Variants in TNR observed in about 807,000 individuals in gnomAD.
The protein encoded by TNR is tenascin-R.
In TNR, 45 loss-of-function variants were observed where a neutral mutation model predicts 150.4. The ratio of observed to expected loss-of-function variants is 0.30; its 90% CI spans 0.24 to 0.38. The LOEUF is 0.38. TNR is among the 10% of genes least tolerant of loss of function. The probability of loss-of-function intolerance (pLI) is 1.00; values close to 1 mark genes in which losing one functional copy is unlikely to be tolerated. For synonymous variants in TNR, 687 were observed against 678.4 expected (o/e 1.01, Z -0.20); for missense variants, 1,544 against 1,759.1 (o/e 0.88, Z 2.19).
At chr1:175,664,916 T>C (rs1424817791) in intron 1 of TNR, among the ~76,000 whole-genome samples, 2 of 152,220 alleles carry the variant, frequency 1.3e-5, no homozygotes, top group African/African-American at 2.4e-5. Context: ...AAAGACAGCA[T>C]ACCTGAGTGA....
At chr1:175,372,551 A>G (rs949559739) in intron 9 of TNR, among the ~76,000 whole-genome samples, 1 of 152,246 alleles carries the variant, frequency 6.6e-6, no homozygotes, top group Non-Finnish European at 1.5e-5. Flanking sequence ...CTAGAAAGGA[A>G]CAGGAGTTAG....
chr1:175,500,405 G>A (rs1479757998), intron 2 of TNR, among the ~76,000 whole-genome samples: 1 of 152,216 alleles, frequency 6.6e-6, no homozygotes, highest in Non-Finnish European at 1.5e-5. Context: ...AAAGCCCAGT[G>A]TCTCTGACCT....
intron 1 of TNR, among the ~76,000 whole-genome samples, chr1:175,590,026 T>C (rs1283862736): frequency 2.0e-5 from 3 of 152,206 alleles, no homozygotes; most frequent in Non-Finnish European, 4.4e-5. Context: ...AATCAGTATT[T>C]CTGATTTTTC....
At chr1:175,400,069 G>C (rs1653626799) in intron 4 of TNR, among the ~76,000 whole-genome samples, 1 of 152,196 alleles carries the variant, frequency 6.6e-6, no homozygotes, top group African/African-American at 2.4e-5. Context: ...GGCTCCGGGG[G>C]AGTTTTGGCC....
intron 1 of TNR, chr1:175,656,663 G>C (rs1208844212): frequency 1.3e-5 from 2 of 152,464 alleles, no homozygotes; most frequent in Non-Finnish European, 2.9e-5. Flanking sequence ...TAGTATGACA[G>C]CTCATCAGAG....
intron 1 of TNR, among the ~76,000 whole-genome samples, chr1:175,580,743 T>G (rs1185834337): frequency 6.6e-6 from 1 of 152,214 alleles, no homozygotes; most frequent in Admixed American, 6.5e-5. Flanking sequence ...GGGAATGGTG[T>G]TTTTGTGTTT....
intron 1 of TNR, among the ~76,000 whole-genome samples, chr1:175,648,618 A>G (rs1322175498): frequency 1.3e-5 from 2 of 152,068 alleles, no homozygotes; most frequent in Non-Finnish European, 2.9e-5. Context: ...GTCTTCTCTC[A>G]CTTGCCTGTT....
At chr1:175,606,418 G>T (rs1663406421) in intron 1 of TNR, among the ~76,000 whole-genome samples, 1 of 152,210 alleles carries the variant, frequency 6.6e-6, no homozygotes, top group South Asian at 2.1e-4. Flanking sequence ...AGCTTGCAGG[G>T]AAGTGAGGTG....
At chr1:175,703,826 C>T (rs539387450) in intron 1 of TNR, among the ~76,000 whole-genome samples, 47 of 152,244 alleles carry the variant, frequency 3.1e-4, no homozygotes, top group African/African-American at 1.1e-3. Context: ...AATGGCACAG[C>T]GTATAGGGGT....
chr1:175,495,554 A>T (rs1658451293), intron 2 of TNR, among the ~76,000 whole-genome samples: 1 of 152,160 alleles, frequency 6.6e-6, no homozygotes, highest in Non-Finnish European at 1.5e-5. Flanking sequence ...AGATCTTCTA[A>T]ATTTCCTTTC....
chr1:175,722,831 G>A (rs917158056), intron 1 of TNR, among the ~76,000 whole-genome samples: 5 of 147,554 alleles, frequency 3.4e-5, no homozygotes, highest in Admixed American at 1.4e-4. Context: ...TTACTCTGTC[G>A]CCCAGGCTGG....
At chr1:175,337,344 G>A (rs1392906790) in intron 19 of TNR, among the ~76,000 whole-genome samples, 184 bp downstream of exon 19, 1 of 152,166 alleles carries the variant, frequency 6.6e-6, no homozygotes, top group Non-Finnish European at 1.5e-5. Flanking sequence ...TTCCCTGCCT[G>A]GCCAGATATA....
At chr1:175,562,238 A>G (rs1244149873) in intron 1 of TNR, among the ~76,000 whole-genome samples, 1 of 152,140 alleles carries the variant, frequency 6.6e-6, no homozygotes, top group Admixed American at 6.5e-5. Flanking sequence ...TTTCTCCAGC[A>G]CTGAAGAAGC....
At chr1:175,501,063 C>T (rs1658713859) in intron 2 of TNR, among the ~76,000 whole-genome samples, 1 of 152,030 alleles carries the variant, frequency 6.6e-6, no homozygotes, top group Non-Finnish European at 1.5e-5. Flanking sequence ...GAGATCATGC[C>T]CATCATTATG....
chr1:175,439,008 G>C (rs1655650934), intron 2 of TNR, among the ~76,000 whole-genome samples: 1 of 152,096 alleles, frequency 6.6e-6, no homozygotes, highest in Non-Finnish European at 1.5e-5. Context: ...TTTCTTCACA[G>C]AATTGGAAAA....
At chr1:175,406,087 A>C in intron 3 of TNR, 129 bp downstream of exon 3, 22 of 1,260,312 alleles carry the variant, frequency 1.7e-5, no homozygotes, top group Non-Finnish European at 2.4e-5. Context: ...GACCGTGTGA[A>C]GAGATGCCGG....
chr1:175,555,670 C>T (rs1661129534), intron 1 of TNR, among the ~76,000 whole-genome samples: 2 of 152,154 alleles, frequency 1.3e-5, no homozygotes, highest in Admixed American at 1.3e-4. Context: ...GTCTCAAACC[C>T]AAGCTCTTGT....
At chr1:175,626,165 T>C (rs529197816) in intron 1 of TNR, among the ~76,000 whole-genome samples, 1 of 152,350 alleles carries the variant, frequency 6.6e-6, no homozygotes, top group East Asian at 1.9e-4. Flanking sequence ...CATGTGGAAC[T>C]GTAAGTCCAA....
rs1664163953 is a variant in TNR, at chr1:175,626,566, GGC to G, written c.-164-98199_-164-98198del. On this transcript the variant is annotated intron_variant, in intron 1 of 22. Coordinates refer to ENST00000367674, the MANE Select transcript of TNR (RefSeq NM_003285.3). ...ATTCTCAACAAAAACCATTCTTCAT[GGC>G]AGCCTTCAGTTAGTAATTGAGAAGA... 1.3e-4 allele frequency among the ~76,000 whole-genome samples: 20 copies of G among 152,224 alleles called. No homozygotes were observed. The South Asian group carries it at 4.2e-3, about 32-fold the overall frequency.
Sources: allele counts gnomAD v4.1 joint callset (sites outside exome capture counted in the v4.1 genomes callset), GRCh38; gene constraint gnomAD v4.1.1; transcripts MANE v1.5; gene names NCBI Gene and HGNC (gene_info 2026-07-23, HGNC 2026-07-21).